Variants in FLT4 observed in about 807,000 individuals in gnomAD.
The protein encoded by FLT4 is fms related receptor tyrosine kinase 4.
A neutral mutation model predicts 163.2 loss-of-function variants in FLT4; 30 were observed. The observed-to-expected ratio is 0.18, with a 90% CI of 0.14 to 0.25. The LOEUF is 0.25. Ranked by LOEUF, FLT4 falls within the 10% of genes least tolerant of loss-of-function variation. The pLI, the probability that FLT4 is intolerant of heterozygous loss-of-function variation, is 1.00. For missense variants in FLT4, 1,510 were observed against 1,863.8 expected (o/e 0.81, Z 3.50); for synonymous variants, 884 against 789.5 (o/e 1.12, Z -2.01).
chr5:180,638,339 C>T (rs1764843365), intron 1 of FLT4, among the ~76,000 whole-genome samples: 1 of 152,216 alleles, frequency 6.6e-6, no homozygotes, highest in South Asian at 2.1e-4. Context: ...GCTCCCTCTC[C>T]CCAGATCCTC....
chr5:180,610,926 G>A (rs1448987033), intron 27 of FLT4, among the ~76,000 whole-genome samples: 5 of 152,072 alleles, frequency 3.3e-5, no homozygotes, highest in East Asian at 1.9e-4. Context: ...GCGTGGTGGC[G>A]GGTGCCTGTA....
chr5:180,609,182 G>T lies in FLT4; in HGVS notation c.3808-129C>A. On this transcript the variant is annotated intron_variant, in intron 28 of 29. Transcript: ENST00000261937. ...ACCTAACACCTGTCCCTGGGAAGCTGAGCCAGAAACAAGGCGTCCATTCCA... is the reference window on the plus strand; with the variant it reads ...ACCTAACACCTGTCCCTGGGAAGCTTAGCCAGAAACAAGGCGTCCATTCCA... The T allele has an allele frequency of 1.4e-5, 11 of 764,440 alleles. No homozygotes were observed. The South Asian group carries it at 1.5e-4, about 11-fold the overall frequency. 47.4% of individuals were successfully genotyped at this position (764,440 alleles called of 1,614,324 possible). A position where few individuals can be genotyped will look rare whatever the true frequency, so the allele number is the denominator to read the frequency against.
rs2127814984 is a variant in FLT4 at position 180,621,168 on chromosome 5, G to C, written c.2105C>G (p.Ala702Gly). Residue 702 changes from alanine to glycine, a missense_variant, in exon 14 of 30, where the codon GCC (alanine) becomes GGC (glycine). Coordinates refer to ENST00000261937, the MANE Select transcript of FLT4 (RefSeq NM_182925.5). ...CACGATGCTGGGCGCGTGCGCTCCGGCCACCAAGCACTGCATCTCCAGCGA... is the reference window on the plus strand; with the variant it reads ...CACGATGCTGGGCGCGTGCGCTCCGCCCACCAAGCACTGCATCTCCAGCGA... ...SDSLEMQCLV[A>G]GAHAPSIVWY... is the part of the protein sequence containing the mutation. 6.2e-7 allele frequency: 1 copy of C among 1,612,824 alleles called. No individual in the cohort carries two copies. The highest frequency in any genetic ancestry group is 8.5e-7 in the Non-Finnish European group (1 of 1,179,992).
chr5:180,611,019 T>C lies in FLT4; in HGVS notation c.3686+312A>G, dbSNP rs542659029. 1.3e-4 allele frequency among the ~76,000 whole-genome samples: 20 copies of C among 152,302 alleles called. No individual in the cohort carries two copies. In the South Asian group the frequency reaches 3.1e-3, roughly 24 times the overall value. On this transcript the variant is annotated intron_variant, in intron 27 of 29. Transcript: ENST00000261937. ...TTGCGGTGAGCCGAGATCGCGCCACTGCACTCCAGCCTGGGCGACAGAGCG... is the reference window on the plus strand; with the variant it reads ...TTGCGGTGAGCCGAGATCGCGCCACCGCACTCCAGCCTGGGCGACAGAGCG...
At chr5:180,650,222 CACAGTGTCGACGG>C (rs1289431293), upstream of FLT4, among the ~76,000 whole-genome samples, 14 of 151,168 alleles carry the variant, frequency 9.3e-5, no homozygotes, top group East Asian at 1.2e-3. Context: ...TGTTTACCTG[CACAGTGTCGACGG>C]ACAGTGTCGA....
intron 1 of FLT4, among the ~76,000 whole-genome samples, chr5:180,643,853 GC>G (rs1765319971): frequency 6.7e-6 from 1 of 149,072 alleles, no homozygotes; most frequent in African/African-American, 2.5e-5. Flanking sequence ...GTGGAGTCTC[GC>G]CCTGTTGCCC....
chr5:180,634,224 T>C (rs1235629683), intron 1 of FLT4, among the ~76,000 whole-genome samples: 2 of 152,188 alleles, frequency 1.3e-5, no homozygotes, highest in African/African-American at 2.4e-5. Context: ...CCTCCCTCTT[T>C]AGGGTCTAGT....
chr5:180,617,041 C>T, intron 21 of FLT4, 47 bp from the exon 22 acceptor site: 1 of 1,373,990 alleles, frequency 7.3e-7, no homozygotes, highest in Non-Finnish European at 1.0e-6. Flanking sequence ...CCTCCGCGGC[C>T]TCCATCTACC....
chr5:180,623,903 C>T lies in FLT4; in HGVS notation c.1548+32G>A, dbSNP rs1341890091. The T allele has an allele frequency of 6.2e-7, 1 of 1,613,044 alleles. No homozygotes were observed. Among genetic ancestry groups the T allele is most frequent in the South Asian group, 1.1e-5 (1 of 91,060 alleles). On this transcript the variant is annotated intron_variant, in intron 11 of 29. Transcript: ENST00000261937. The surrounding 1 kb of genome is among the most constrained non-coding windows in gnomAD (Gnocchi z 5.8). ...CTCTCTCTCCTCCCTTCTCCTTCTC[C>T]CTGGGCACTCAGCAGCGCGGCTGGC...
chr5:180,615,046 C>T (rs914961406), intron 23 of FLT4, among the ~76,000 whole-genome samples: 27 of 152,130 alleles, frequency 1.8e-4, no homozygotes, highest in African/African-American at 6.5e-4. Flanking sequence ...CACTCTCAGG[C>T]TCCATAGGGC....
chr5:180,634,823 TGGGTGGGA>T (rs1764437882), intron 1 of FLT4, among the ~76,000 whole-genome samples: 3 of 52,152 alleles, frequency 5.8e-5, no homozygotes, highest in African/African-American at 1.1e-4. Flanking sequence ...GGTGGGTGGG[TGGGTGGGA>T]GGATGGATGC....
rs1763167242 is a variant in FLT4 at position 180,621,781 on chromosome 5, T to C, written c.1781A>G (p.Asn594Ser). The change falls in exon 13 of 30, where the codon AAC becomes AGC. Residue 594 changes from asparagine (N) to serine (S), a missense_variant. This residue lies in a region of FLT4 where 878 missense variants were observed against 1,016.7 expected (regional missense o/e 0.86). Transcript: ENST00000261937. ...GTGCGCATCGTGCAGCGTGGACAGG[T>C]TGAGGCGGTACCAGCGCAGATGCTC... ...KYEHLRWYRL[N>S]LSTLHDAHGN... 6.2e-7 allele frequency: 1 copy of C among 1,613,340 alleles called. No homozygotes were observed. Among genetic ancestry groups the C allele is most frequent in the Non-Finnish European group, 8.5e-7 (1 of 1,180,002 alleles).
chr5:180,608,696 T>C (rs554264078), intron 29 of FLT4, among the ~76,000 whole-genome samples: 150 of 152,192 alleles, frequency 9.9e-4, no homozygotes, highest in African/African-American at 3.5e-3. Context: ...GGGTTACGTG[T>C]GGTGTCAGAA....
intron 6 of FLT4, 126 bp downstream of exon 6, chr5:180,629,570 C>T (rs1763924822): frequency 2.1e-6 from 3 of 1,445,600 alleles, no homozygotes; most frequent in Non-Finnish European, 2.8e-6. Flanking sequence ...GGAACACTTG[C>T]CACTCAGACC....
intron 17 of FLT4, 101 bp from the exon 18 acceptor site, chr5:180,619,870 C>T: frequency 1.1e-6 from 1 of 881,830 alleles, no homozygotes; most frequent in Non-Finnish European, 1.8e-6. Flanking sequence ...GAGGACAGGC[C>T]TGGCAGCAGG....
chr5:180,612,067 C>T (rs186796238), intron 26 of FLT4, among the ~76,000 whole-genome samples: 6 of 152,298 alleles, frequency 3.9e-5, no homozygotes, highest in Non-Finnish European at 7.3e-5. Flanking sequence ...GGTCACAAGC[C>T]GGCTCCATCC....
rs149373386 is a variant in FLT4 at position 180,629,403 on chromosome 5, C to T, written c.841G>A (p.Glu281Lys). The T allele has an allele frequency of 1.7e-4, 280 of 1,611,482 alleles. No homozygotes were observed. Among genetic ancestry groups the T allele is most frequent in the Middle Eastern group, 7.9e-4 (4 of 5,094 alleles). ...KQAERGKWVP[E>K]RRSQQTHTEL... ...GTGTGGGTCTGCTGGGAGCGTCGCT[C>T]GGGCACCCACTTACCCCGCTCTGCC... The change falls in exon 7 of 30, where the codon GAG (glutamate) becomes AAG (lysine). Residue 281 changes from glutamate to lysine, a missense_variant. This residue lies in a region of FLT4 where 163 missense variants were observed against 281.1 expected (regional missense o/e 0.58). Coordinates refer to ENST00000261937, the MANE Select transcript of FLT4 (RefSeq NM_182925.5).
At chr5:180,622,145 G>A (rs1763199961) in intron 12 of FLT4, among the ~76,000 whole-genome samples, 1 of 152,098 alleles carries the variant, frequency 6.6e-6, no homozygotes, top group Non-Finnish European at 1.5e-5. Context: ...TGCTCAGCCT[G>A]AAATAACGTG....
intron 1 of FLT4, among the ~76,000 whole-genome samples, chr5:180,643,499 T>C (rs1765282926): frequency 6.6e-6 from 1 of 151,852 alleles, no homozygotes; most frequent in Non-Finnish European, 1.5e-5. Flanking sequence ...TCCCCCCGGG[T>C]GGCAATACCA....
Sources: allele counts gnomAD v4.1 joint callset (sites outside exome capture counted in the v4.1 genomes callset), GRCh38; gene constraint gnomAD v4.1.1; regional missense constraint gnomAD v4.1.1; non-coding constraint Gnocchi (gnomAD v3.1); transcripts MANE v1.5; gene names NCBI Gene and HGNC (gene_info 2026-07-23, HGNC 2026-07-21).